UGT2B4: variants seen among roughly 807,000 people sequenced by gnomAD.
UGT2B4 encodes UDP glucuronosyltransferase family 2 member B4, also known as UDP-glucuronosyltransferase 2B4.
UGT2B4 carries 49 observed loss-of-function variants against 49.8 expected under a neutral mutation model. That is an observed-to-expected ratio of 0.98 (90% CI 0.78 to 1.25). The LOEUF (loss-of-function observed/expected upper bound fraction) is 1.25. Among genes scored for constraint, UGT2B4 ranks in the 50% most tolerant of loss-of-function variants. The probability of loss-of-function intolerance (pLI) is 0.00; values close to 1 mark genes in which losing one functional copy is unlikely to be tolerated. For missense variants in UGT2B4, 729 were observed against 627.7 expected, an observed-to-expected ratio of 1.16 and a Z score of -1.73; for synonymous variants, 246 against 217.7, an observed-to-expected ratio of 1.13 and a Z score of -1.14.
rs1415810712 is a variant in UGT2B4 at position 69,502,076 on chromosome 4, TTTC to T, written c.-105-6113_-105-6111del. On this transcript the variant is annotated intron_variant, in intron 1 of 1. Transcript: ENST00000510114. ...CTCTTTCCCTTCCTTCCTTCTTTTC[TTTC>T]TTTCTTTCTCTCTCTTTCTTTCTTT... 8.0e-4 allele frequency among the ~76,000 whole-genome samples: 67 copies of T among 83,618 alleles called. 2 individuals are homozygous for T. Among genetic ancestry groups the T allele is most frequent in the African/African-American group, 3.0e-3 (65 of 21,818 alleles). 54.9% of individuals were successfully genotyped at this position (83,618 alleles called of 152,430 possible). A position where few individuals can be genotyped will look rare whatever the true frequency, so the allele number is the denominator to read the frequency against.
Position 69,480,459 on chromosome 4 carries a change from G to T in UGT2B4, c.*175C>A. On this transcript the variant is annotated 3_prime_UTR_variant, in exon 6 of 6. Coordinates refer to ENST00000305107, the MANE Select transcript of UGT2B4 (RefSeq NM_021139.3). ...TCCCTAATGTTTTCCTCCTTGACAT[G>T]AAATATTTCTAATGGTTAAACAGGT... The T allele has an allele frequency of 2.2e-6, 2 of 912,578 alleles. No individual in the cohort carries two copies. The highest frequency in any genetic ancestry group is 2.1e-5 in the South Asian group (1 of 47,842). 56.5% of individuals were successfully genotyped at this position (912,578 alleles called of 1,614,324 possible). A position where few individuals can be genotyped will look rare whatever the true frequency, so the allele number is the denominator to read the frequency against.
At chr4:69,499,802 T>C (rs1310779392), upstream of UGT2B4, among the ~76,000 whole-genome samples, 1 of 152,200 alleles carries the variant, frequency 6.6e-6, no homozygotes, top group African/African-American at 2.4e-5. Context: ...TGATGGGTCC[T>C]GACTCTTTAT....
chr4:69,490,008 G>A (rs1270357764), intron 2 of UGT2B4, among the ~76,000 whole-genome samples: 1 of 152,114 alleles, frequency 6.6e-6, no homozygotes, highest in African/African-American at 2.4e-5. Flanking sequence ...ATTAGTGGTT[G>A]ACTTCCCTGA....
chr4:69,519,673 T>G (rs1273818242), intron 1 of UGT2B4, among the ~76,000 whole-genome samples: 1 of 150,274 alleles, frequency 6.7e-6, no homozygotes, highest in Non-Finnish European at 1.5e-5. Flanking sequence ...AGGGTCTTCT[T>G]TGGGTGCACC....
intron 1 of UGT2B4, among the ~76,000 whole-genome samples, chr4:69,516,059 C>T (rs536265600): frequency 2.0e-5 from 3 of 152,238 alleles, no homozygotes; most frequent in South Asian, 4.1e-4. Context: ...GTCTTCTCAT[C>T]GTTCAGCTCC....
chr4:69,494,039 G>C (rs1302061928), intron 1 of UGT2B4, among the ~76,000 whole-genome samples, 198 bp from the exon 2 acceptor site: 1 of 151,884 alleles, frequency 6.6e-6, no homozygotes, highest in Non-Finnish European at 1.5e-5. Context: ...TACAAGAAAG[G>C]CAAAGTGGTG....
intron 1 of UGT2B4, among the ~76,000 whole-genome samples, chr4:69,501,358 C>T (rs1728313767): frequency 6.6e-6 from 1 of 152,124 alleles, no homozygotes; most frequent in Non-Finnish European, 1.5e-5. Flanking sequence ...TTGGGCGGGA[C>T]CTCCAAACAG....
intron 1 of UGT2B4, among the ~76,000 whole-genome samples, chr4:69,514,219 G>A (rs1021042990): frequency 6.6e-6 from 1 of 151,936 alleles, no homozygotes; most frequent in African/African-American, 2.4e-5. Context: ...AGGTATATCT[G>A]CTAATGCTAT....
At chr4:69,481,877 C>A (rs377422896) in intron 5 of UGT2B4, among the ~76,000 whole-genome samples, 1 of 152,196 alleles carries the variant, frequency 6.6e-6, no homozygotes, top group Non-Finnish European at 1.5e-5. Flanking sequence ...CTGTTTCCCA[C>A]GCAGTAGCCA....
intron 1 of UGT2B4, among the ~76,000 whole-genome samples, chr4:69,517,045 C>T (rs1023736875): frequency 6.6e-6 from 1 of 151,950 alleles, no homozygotes. Context: ...GGATAGGTTT[C>T]AAAAATTTTC....
At chr4:69,500,339 A>G (rs1004418077), upstream of UGT2B4, among the ~76,000 whole-genome samples, 12 of 152,098 alleles carry the variant, frequency 7.9e-5, no homozygotes, top group African/African-American at 9.7e-5. Flanking sequence ...CCACCATGGC[A>G]CATATTTACC....
At chr4:69,501,856 T>G (rs1728326764) in intron 1 of UGT2B4, among the ~76,000 whole-genome samples, 1 of 152,132 alleles carries the variant, frequency 6.6e-6, no homozygotes, top group South Asian at 2.1e-4. Context: ...CTGCTCTACT[T>G]AGACTCCACG....
At chr4:69,481,992 G>C (rs1382000370) in intron 5 of UGT2B4, among the ~76,000 whole-genome samples, 4 of 152,028 alleles carry the variant, frequency 2.6e-5, no homozygotes, top group Non-Finnish European at 5.9e-5. Flanking sequence ...CTGTTATTTG[G>C]TCCTCAGGAT....
upstream of UGT2B4, among the ~76,000 whole-genome samples, chr4:69,497,871 G>A (rs1728206406): frequency 6.6e-6 from 1 of 152,192 alleles, no homozygotes; most frequent in Non-Finnish European, 1.5e-5. Flanking sequence ...GAAATCTTTT[G>A]TGAAAAGAAG....
chr4:69,498,159 C>A (rs1454840203), upstream of UGT2B4, among the ~76,000 whole-genome samples: 3 of 152,146 alleles, frequency 2.0e-5, no homozygotes, highest in African/African-American at 7.2e-5. Context: ...CTTTTATGTG[C>A]CAGAGAAACC....
intron 1 of UGT2B4, among the ~76,000 whole-genome samples, chr4:69,494,173 G>C (rs761653563): frequency 6.6e-6 from 1 of 151,938 alleles, no homozygotes; most frequent in Non-Finnish European, 1.5e-5. Flanking sequence ...GCAGATATAC[G>C]TATAAACCAC....
upstream of UGT2B4, chr4:69,495,954 T>C: frequency 1.3e-6 from 2 of 1,505,522 alleles, no homozygotes; most frequent in Non-Finnish European, 1.8e-6. Context: ...GAAGTTAAAA[T>C]GTAACTTTTA....
chr4:69,495,008 C>A, intron 1 of UGT2B4, 133 bp downstream of exon 1: 1 of 824,894 alleles, frequency 1.2e-6, no homozygotes, highest in East Asian at 3.0e-5. Context: ...TTTGGTAGAT[C>A]ATCTTACAAT....
chr4:69,505,703 G>T (rs1157608791), intron 1 of UGT2B4, among the ~76,000 whole-genome samples: 2 of 152,032 alleles, frequency 1.3e-5, no homozygotes, highest in Non-Finnish European at 1.5e-5. Flanking sequence ...CTCAGCAGTA[G>T]ATCAAATAAA....
Sources: gnomAD v4.1 joint callset for allele counts (sites outside exome capture counted in the v4.1 genomes callset) on GRCh38, gnomAD v4.1.1 for gene constraint, MANE v1.5 for transcripts, NCBI Gene and HGNC (gene_info 2026-07-23, HGNC 2026-07-21) for gene names.